The following TRPA1 variants were observed in gnomAD, a reference collection of about 807,000 sequenced individuals.
The protein encoded by TRPA1 is ankyrin-like with transmembrane domains 1.
Under a neutral mutation model 131.3 loss-of-function variants are expected in TRPA1, and 129 were observed. The ratio of observed to expected loss-of-function variants is 0.98; its 90% CI spans 0.85 to 1.14. TRPA1 has a LOEUF of 1.14. Among genes scored for constraint, TRPA1 ranks in the 50% most tolerant of loss-of-function variants. TRPA1 has a pLI of 0.00. For missense variants in TRPA1, 1,304 were observed against 1,354.2 expected (o/e 0.96, Z 0.58); for synonymous variants, 441 against 451.7 (o/e 0.98, Z 0.30).
At chr8:72,037,522 A>T (rs1447249594) in intron 20 of TRPA1, among the ~76,000 whole-genome samples, 1 of 152,126 alleles carries the variant, frequency 6.6e-6, no homozygotes, top group Non-Finnish European at 1.5e-5. Flanking sequence ...CCAAAATTGT[A>T]TTAAAACTTG....
chr8:72,059,815 C>T (rs1805765184), intron 7 of TRPA1, among the ~76,000 whole-genome samples: 1 of 152,162 alleles, frequency 6.6e-6, no homozygotes, highest in African/African-American at 2.4e-5. Context: ...TAAGGTGTCC[C>T]TCAAATTCAC....
chr8:72,064,236 C>T (rs73687863), intron 4 of TRPA1, among the ~76,000 whole-genome samples: 3,035 of 143,026 alleles, frequency 0.021, 83 homozygotes, highest in East Asian at 0.087. Flanking sequence ...TTACTCTATA[C>T]ATAATAGTCC....
intron 20 of TRPA1, among the ~76,000 whole-genome samples, 200 bp from the exon 21 acceptor site, chr8:72,036,657 G>A (rs1437018310): frequency 1.3e-5 from 2 of 152,286 alleles, no homozygotes; most frequent in African/African-American, 2.4e-5. Flanking sequence ...ATGGCCCAGA[G>A]CCCTCTGTTA....
At chr8:72,043,647 C>T (rs1198699688) in intron 17 of TRPA1, among the ~76,000 whole-genome samples, 1 of 151,680 alleles carries the variant, frequency 6.6e-6, no homozygotes, top group Non-Finnish European at 1.5e-5. Context: ...TTAAAAATGT[C>T]CATCTTTCGG....
At chr8:72,048,334 C>T (rs148912020) in intron 15 of TRPA1, among the ~76,000 whole-genome samples, 2 of 152,184 alleles carry the variant, frequency 1.3e-5, no homozygotes, top group East Asian at 3.9e-4. Flanking sequence ...CCTCCTGGGG[C>T]ATCTGGTGAA....
chr8:72,065,452 A>C lies in TRPA1; in HGVS notation c.551T>G (p.Leu184Trp). Residue 184 changes from leucine (L) to tryptophan (W), a missense_variant and splice_region_variant, in exon 4 of 27, where the codon TTG becomes TGG. Coordinates refer to ENST00000262209, the MANE Select transcript of TRPA1 (RefSeq NM_007332.3). ...GACAGATATGACAAATATACAAACC[A>C]AAATCTGCAATGCTTCGCTATTATT... ...TTNNSEALQI[L>W]LKKGAKPCKS... is the part of the protein sequence containing the mutation. 6.2e-7 allele frequency: 1 copy of C among 1,612,302 alleles called. No homozygotes were observed. The highest frequency in any genetic ancestry group is 8.5e-7 in the Non-Finnish European group (1 of 1,178,716).
chr8:72,054,043 C>A, intron 12 of TRPA1, 176 bp from the exon 13 acceptor site: 2 of 612,826 alleles, frequency 3.3e-6, no homozygotes, highest in South Asian at 3.9e-5. Context: ...GCTCAATGAT[C>A]TTAAATGACC....
intron 19 of TRPA1, 90 bp downstream of exon 19, chr8:72,038,774 GA>G (rs1317758808): frequency 9.9e-6 from 11 of 1,106,104 alleles, no homozygotes; most frequent in Non-Finnish European, 1.4e-5. Flanking sequence ...ATAAAGTCCT[GA>G]TATGTCAGAT....
chr8:72,038,237 T>C (rs1055067621), intron 19 of TRPA1, among the ~76,000 whole-genome samples, 165 bp from the exon 20 acceptor site: 4 of 151,996 alleles, frequency 2.6e-5, no homozygotes, highest in South Asian at 4.1e-4. Context: ...AATACTCATA[T>C]AATTTACTAG....
In TRPA1 at chr8:72,071,801, C is replaced by T. The variant is rs1249254856; in HGVS notation, c.178G>A (p.Asp60Asn). The T allele has an allele frequency of 6.2e-7, 1 of 1,613,410 alleles. No individual in the cohort carries two copies. The highest frequency in any genetic ancestry group is 1.7e-5 in the Admixed American group (1 of 59,974). The change falls in exon 2 of 27, where the codon GAC (aspartate) becomes AAC (asparagine). Residue 60 changes from aspartate to asparagine, a missense_variant. Physicochemically the swap from Asp to Asn is conservative, Grantham distance 23. Transcript: ENST00000262209. Reference protein sequence around the residue: ...FNKQKKLKRCDDMDTFFLHYA... With the variant: ...FNKQKKLKRCNDMDTFFLHYA... ...TGCAAGAAGAAGGTGTCCATATCGTCACATCTTTTTAATTTCTTTTGCTTA... is the reference window on the plus strand; with the variant it reads ...TGCAAGAAGAAGGTGTCCATATCGTTACATCTTTTTAATTTCTTTTGCTTA...
In TRPA1 at chr8:72,056,951, T is replaced by C. The variant is rs1230139383; in HGVS notation, c.1160A>G (p.Tyr387Cys). 3.7e-6 allele frequency: 6 copies of C among 1,609,544 alleles called. No individual in the cohort carries two copies. The African/African-American group carries it at 5.3e-5, about 14-fold the overall frequency. Residue 387 changes from tyrosine to cysteine, a missense_variant, in exon 10 of 27, where the codon TAT becomes TGT. Tyr to Cys is a radical substitution (Grantham distance 194). Coordinates refer to ENST00000262209, the MANE Select transcript of TRPA1 (RefSeq NM_007332.3). Reference sequence around the variant, plus strand: ...TTCAGGTCGCAGATTTTTTAATCCATAAGGTTGCTGTACAGTTAAATGCAG... The same window carrying C: ...TTCAGGTCGCAGATTTTTTAATCCACAAGGTTGCTGTACAGTTAAATGCAG... ...NFLHLTVQQPYGLKNLRPEFM... is the reference protein window; with the variant it reads ...NFLHLTVQQPCGLKNLRPEFM...
At chr8:72,080,434 T>C (rs947812895), upstream of TRPA1, among the ~76,000 whole-genome samples, 6 of 151,810 alleles carry the variant, frequency 4.0e-5, no homozygotes, top group African/African-American at 1.4e-4. Context: ...GATATTCTAA[T>C]ATTAAACCAA....
intron 23 of TRPA1, among the ~76,000 whole-genome samples, chr8:72,030,920 A>G (rs1229492892): frequency 6.6e-6 from 1 of 152,184 alleles, no homozygotes; most frequent in Non-Finnish European, 1.5e-5. Flanking sequence ...TCACTCATCC[A>G]TTTATTTTCT....
At chr8:72,031,518 C>CA (rs1357061913) in intron 23 of TRPA1, among the ~76,000 whole-genome samples, 1 of 151,202 alleles carries the variant, frequency 6.6e-6, no homozygotes, top group Non-Finnish European at 1.5e-5. Context: ...GTGGAGGCTG[C>CA]AGTGAGCCAT....
intron 14 of TRPA1, among the ~76,000 whole-genome samples, 198 bp from the exon 15 acceptor site, chr8:72,051,069 A>G (rs1256118377): frequency 6.6e-6 from 1 of 152,206 alleles, no homozygotes; most frequent in Non-Finnish European, 1.5e-5. Context: ...CCATTAATGG[A>G]CATTAGGAAT....
At chr8:72,048,928 G>A (rs1805419077) in intron 15 of TRPA1, among the ~76,000 whole-genome samples, 1 of 152,056 alleles carries the variant, frequency 6.6e-6, no homozygotes, top group Non-Finnish European at 1.5e-5. Flanking sequence ...TAATGTTGCA[G>A]GAAACATTCT....
chr8:72,071,782 A>C lies in TRPA1; in HGVS notation c.197T>G (p.Phe66Cys). The change falls in exon 2 of 27, where the codon TTC (phenylalanine) becomes TGC (cysteine). Residue 66 changes from phenylalanine (F) to cysteine (C), a missense_variant. Physicochemically the swap from Phe to Cys is radical, Grantham distance 205. Coordinates refer to ENST00000262209, the MANE Select transcript of TRPA1 (RefSeq NM_007332.3). The part of the protein sequence containing the change: ...LKRCDDMDTF[F>C]LHYAAAEGQI... ...GCCTTCTGCTGCAGCATAATGCAAG[A>C]AGAAGGTGTCCATATCGTCACATCT... 1.2e-6 allele frequency: 2 copies of C among 1,613,644 alleles called. No homozygotes were observed. The highest frequency in any genetic ancestry group is 1.7e-6 in the Non-Finnish European group (2 of 1,179,810).
chr8:72,045,614 A>ATGTTTTGTTC (rs1812402927), intron 17 of TRPA1, among the ~76,000 whole-genome samples: 1 of 149,784 alleles, frequency 6.7e-6, no homozygotes, highest in African/African-American at 2.5e-5. Flanking sequence ...GTCCTCAAAT[A>ATGTTTTGTTC]TGTTTTGTTT....
the TRPA1 span, among the ~76,000 whole-genome samples, chr8:72,089,787 T>G: frequency 6.6e-6 from 1 of 152,252 alleles, no homozygotes; most frequent in South Asian, 2.1e-4. Flanking sequence ...ATGAGAACTT[T>G]GTTTTTACAG....
Sources: allele counts gnomAD v4.1 joint callset (sites outside exome capture counted in the v4.1 genomes callset), GRCh38; gene constraint gnomAD v4.1.1; transcripts MANE v1.5; gene names NCBI Gene and HGNC (gene_info 2026-07-23, HGNC 2026-07-21).